The following MTRF1 variants were observed in gnomAD, a reference collection of about 807,000 sequenced individuals.
MTRF1 encodes mitochondrial translation release factor 1.
In MTRF1, 51 loss-of-function variants were observed where a neutral mutation model predicts 62.9. That is an observed-to-expected ratio of 0.81 (90% CI 0.65 to 1.02). The LOEUF (loss-of-function observed/expected upper bound fraction) is 1.02, where lower values mean the gene tolerates loss of function less well. Among genes scored for constraint, MTRF1 ranks in the 50% least tolerant of loss-of-function variants. The pLI is 0.00. For synonymous variants in MTRF1, 158 were observed against 181.9 expected, an observed-to-expected ratio of 0.87 and a Z score of 1.06; for missense variants, 446 against 530.0, an observed-to-expected ratio of 0.84 and a Z score of 1.56.
At chr13:41,232,652 G>T (rs942338441) in intron 7 of MTRF1, among the ~76,000 whole-genome samples, 1 of 152,190 alleles carries the variant, frequency 6.6e-6, no homozygotes, top group Non-Finnish European at 1.5e-5. Flanking sequence ...GATGAGCTTT[G>T]TTAAAATGAC....
chr13:41,240,443 C>A lies in MTRF1; in HGVS notation c.698-10G>T, dbSNP rs771059245. ...GCATGATGTAGTCCACCTAGGGGAA[C>A]AACAATCCAGAAATAGTAATGAATT... On this transcript the variant is annotated splice_polypyrimidine_tract_variant and intron_variant, in intron 5 of 9. Coordinates refer to ENST00000379480, the MANE Select transcript of MTRF1 (RefSeq NM_004294.4). The A allele has an allele frequency of 8.7e-6, 14 of 1,608,188 alleles. No homozygotes were observed. Among genetic ancestry groups the A allele is most frequent in the African/African-American group, 1.3e-5 (1 of 74,692 alleles).
chr13:41,280,484 C>A, the MTRF1 span, among the ~76,000 whole-genome samples: 12 of 152,200 alleles, frequency 7.9e-5, no homozygotes, highest in Non-Finnish European at 1.6e-4. Flanking sequence ...GTTCTCAGGA[C>A]CTCCTGAGGG....
rs745720902 is a variant in MTRF1 at position 41,252,766 on chromosome 13, C to T, written c.590-14G>A. 1.3e-5 allele frequency: 21 copies of T among 1,607,374 alleles called. No homozygotes were observed. The highest frequency in any genetic ancestry group is 8.4e-5 in the Admixed American group (5 of 59,816). On this transcript the variant is annotated splice_polypyrimidine_tract_variant and intron_variant, in intron 4 of 9. Transcript: ENST00000379480. ...GGCAGATGTCACCTAAAACAAAATACGAAAAATATTTAGTCAGGACAAATT... is the reference window on the plus strand; with the variant it reads ...GGCAGATGTCACCTAAAACAAAATATGAAAAATATTTAGTCAGGACAAATT...
At chr13:41,246,357 A>T (rs767439592) in intron 5 of MTRF1, among the ~76,000 whole-genome samples, 3 of 152,046 alleles carry the variant, frequency 2.0e-5, no homozygotes, top group Non-Finnish European at 2.9e-5. Context: ...GGATTCAGAG[A>T]GACTGAAAAC....
chr13:41,225,836 A>G (rs1413924557), intron 8 of MTRF1, among the ~76,000 whole-genome samples: 3 of 151,350 alleles, frequency 2.0e-5, no homozygotes, highest in Admixed American at 1.3e-4. Flanking sequence ...AAGAATTTAA[A>G]TTATATATTA....
chr13:41,298,302 C>A, the MTRF1 span, among the ~76,000 whole-genome samples: 1 of 28,300 alleles, frequency 3.5e-5, no homozygotes, highest in Non-Finnish European at 7.6e-5. Context: ...GGGGCACTGT[C>A]CCTTTGTTAC....
the MTRF1 span, among the ~76,000 whole-genome samples, chr13:41,283,856 C>T: frequency 6.6e-6 from 1 of 152,062 alleles, no homozygotes; most frequent in African/African-American, 2.4e-5. Context: ...GGATTACAGG[C>T]GTGAGCCACC....
At chr13:41,253,125 T>C in intron 3 of MTRF1, 95 bp from the exon 4 acceptor site, 2 of 942,736 alleles carry the variant, frequency 2.1e-6, no homozygotes, top group East Asian at 2.6e-5. Context: ...AAATCAATAA[T>C]TGGCAAAATC....
chr13:41,254,470 G>C (rs2039468182), intron 3 of MTRF1, 59 bp downstream of exon 3: 3 of 1,280,838 alleles, frequency 2.3e-6, no homozygotes, highest in South Asian at 2.6e-5. Flanking sequence ...GCAGAGTCTA[G>C]CAAAAACAGC....
At chr13:41,299,994 A>C in the MTRF1 span, among the ~76,000 whole-genome samples, 11 of 152,198 alleles carry the variant, frequency 7.2e-5, no homozygotes, top group Non-Finnish European at 1.2e-4. Context: ...AAAGCCAGAA[A>C]GATTCAGACT....
intron 2 of MTRF1, chr13:41,257,749 G>GATT (rs1017423907): frequency 4.5e-6 from 2 of 447,184 alleles, no homozygotes; most frequent in African/African-American, 4.0e-5. Context: ...AGTGAGCTAT[G>GATT]ATTACACTAC....
Position 41,253,019 on chromosome 13 carries a change from G to A in MTRF1, c.519C>T (p.Ser173=), listed in dbSNP as rs755340836. The change falls in exon 4 of 10, where the codon AGC becomes AGT. Residue 173 remains serine, a synonymous_variant. Coordinates refer to ENST00000379480, the MANE Select transcript of MTRF1 (RefSeq NM_004294.4). ...TGTCATATTTCTCCTTTGGCACAAGGCTCTGGAAAAGCTGGAATAAAAATC... is the reference window on the plus strand; with the variant it reads ...TGTCATATTTCTCCTTTGGCACAAGACTCTGGAAAAGCTGGAATAAAAATC... ...INMLYNELFQ[S]LVPKEKYDKN... is the part of the protein sequence containing the mutation. 2 of 1,604,088 alleles carry A rather than the reference G, an allele frequency of 1.2e-6. No individual in the cohort carries two copies. Among genetic ancestry groups the A allele is most frequent in the Admixed American group, 1.7e-5 (1 of 57,678 alleles).
intron 5 of MTRF1, among the ~76,000 whole-genome samples, chr13:41,249,754 G>A (rs1372887733): frequency 2.8e-5 from 4 of 143,590 alleles, no homozygotes; most frequent in Admixed American, 7.4e-5. Flanking sequence ...AGCCTCCCAA[G>A]AAGCTGGGAT....
At chr13:41,277,695 T>C in the MTRF1 span, among the ~76,000 whole-genome samples, 19 of 152,306 alleles carry the variant, frequency 1.2e-4, no homozygotes, top group Middle Eastern at 3.4e-3. Flanking sequence ...CTTCATTACA[T>C]AGGCATGACT....
chr13:41,278,028 A>G, the MTRF1 span, among the ~76,000 whole-genome samples: 1 of 152,222 alleles, frequency 6.6e-6, no homozygotes, highest in Non-Finnish European at 1.5e-5. Context: ...CTATATTACT[A>G]GGATCCCATT....
At chr13:41,289,660 C>A in the MTRF1 span, among the ~76,000 whole-genome samples, 16 of 152,326 alleles carry the variant, frequency 1.1e-4, no homozygotes, top group East Asian at 2.9e-3. Flanking sequence ...GTTTGATGGT[C>A]TGCTGCCGAT....
chr13:41,292,389 C>G, the MTRF1 span, among the ~76,000 whole-genome samples: 2 of 151,930 alleles, frequency 1.3e-5, no homozygotes, highest in African/African-American at 4.8e-5. Flanking sequence ...TCGAGACCAT[C>G]CTGGCTAATA....
At chr13:41,258,509 G>C (rs535863080) in intron 2 of MTRF1, among the ~76,000 whole-genome samples, 16 of 150,950 alleles carry the variant, frequency 1.1e-4, no homozygotes, top group Admixed American at 2.6e-4. Context: ...CTACTCAGAA[G>C]GCTGAGGCAG....
chr13:41,243,164 A>G (rs1777373696), intron 5 of MTRF1, among the ~76,000 whole-genome samples: 1 of 152,162 alleles, frequency 6.6e-6, no homozygotes, highest in African/African-American at 2.4e-5. Context: ...GGTCGCAGTG[A>G]GCCAAGATCG....
Sources: allele counts gnomAD v4.1 joint callset (sites outside exome capture counted in the v4.1 genomes callset), GRCh38; gene constraint gnomAD v4.1.1; transcripts MANE v1.5; gene names NCBI Gene and HGNC (gene_info 2026-07-23, HGNC 2026-07-21).